MGA: variants seen among roughly 807,000 people sequenced by gnomAD.
MGA encodes the protein MAX dimerization protein MGA, also known as MAX gene-associated protein.
MGA carries 40 observed loss-of-function variants against 261.1 expected under a neutral mutation model. The observed-to-expected ratio is 0.15, with a 90% CI of 0.12 to 0.20. The LOEUF is 0.20. MGA is among the 10% of genes least tolerant of loss of function. The pLI is 1.00. For missense variants in MGA, 3,397 were observed against 3,630.5 expected, an observed-to-expected ratio of 0.94 and a Z score of 1.65; for synonymous variants, 1,302 against 1,290.6, an observed-to-expected ratio of 1.01 and a Z score of -0.19.
intron 1 of MGA, among the ~76,000 whole-genome samples, chr15:41,649,379 C>CAAAAAAAAA (rs35806439): frequency 7.3e-6 from 1 of 136,178 alleles, no homozygotes. Context: ...GAGACTGTCT[C>CAAAAAAAAA]AAAAAAAAAA....
At chr15:41,727,973 A>G (rs915526626) in intron 10 of MGA, among the ~76,000 whole-genome samples, 7 of 152,192 alleles carry the variant, frequency 4.6e-5, no homozygotes, top group African/African-American at 7.2e-5. Flanking sequence ...CTACGATGCT[A>G]CTGAATATGT....
chr15:41,656,382 C>CCTCTCTCTCTCTCTCTCT (rs2057194903), upstream of MGA, among the ~76,000 whole-genome samples: 1 of 90,404 alleles, frequency 1.1e-5, no homozygotes, highest in Non-Finnish European at 2.6e-5. Context: ...CTCTCTCACA[C>CCTCTCTCTCTCTCTCTCT]CCAGGCTGGA....
intron 20 of MGA, among the ~76,000 whole-genome samples, chr15:41,760,988 C>T (rs965595467): frequency 4.6e-5 from 7 of 152,222 alleles, no homozygotes; most frequent in African/African-American, 1.7e-4. Context: ...TCAGGCTAGT[C>T]TTGAACTCCC....
At chr15:41,758,251 T>G (rs2063257102) in intron 19 of MGA, among the ~76,000 whole-genome samples, 1 of 152,180 alleles carries the variant, frequency 6.6e-6, no homozygotes, top group Non-Finnish European at 1.5e-5. Flanking sequence ...TTAATTTTCT[T>G]AATCTTTTTG....
At chr15:41,637,630 TG>T (rs774753674) in intron 1 of MGA, among the ~76,000 whole-genome samples, 1 of 152,168 alleles carries the variant, frequency 6.6e-6, no homozygotes, top group Non-Finnish European at 1.5e-5. Flanking sequence ...GAGGGGAATG[TG>T]GTGACAGGGT....
chr15:41,760,231 T>C (rs1029753438), intron 19 of MGA, 92 bp from the exon 20 acceptor site: 31 of 1,196,028 alleles, frequency 2.6e-5, no homozygotes, highest in East Asian at 1.6e-4. Context: ...CAAAAGGTAA[T>C]GAGTGCCTGA....
chr15:41,721,905 T>C (rs985391092), intron 9 of MGA, among the ~76,000 whole-genome samples: 2 of 152,134 alleles, frequency 1.3e-5, no homozygotes, highest in Non-Finnish European at 2.9e-5. Flanking sequence ...TCTCACAGTA[T>C]TTAAAACCTG....
At chr15:41,632,207 A>G (rs1193576011) in intron 1 of MGA, among the ~76,000 whole-genome samples, 4 of 152,222 alleles carry the variant, frequency 2.6e-5, no homozygotes, top group African/African-American at 9.7e-5. Context: ...TAGATAGTAA[A>G]TATTTTAATG....
At chr15:41,701,296 A>G (rs563829347) in intron 5 of MGA, among the ~76,000 whole-genome samples, 3 of 151,384 alleles carry the variant, frequency 2.0e-5, no homozygotes, top group Non-Finnish European at 4.4e-5. Flanking sequence ...TGACATTTAT[A>G]TTGTGTTCTT....
chr15:41,745,304 A>G (rs975979631), intron 15 of MGA, among the ~76,000 whole-genome samples: 16 of 149,188 alleles, frequency 1.1e-4, no homozygotes, highest in South Asian at 6.3e-4. Flanking sequence ...AAAAAAAAAA[A>G]AAAGAGACAG....
chr15:41,763,825 A>C (rs554805321), intron 22 of MGA, among the ~76,000 whole-genome samples: 1 of 152,230 alleles, frequency 6.6e-6, no homozygotes, highest in African/African-American at 2.4e-5. Context: ...TTTGGAAGTA[A>C]AGTTATATTG....
At position 41,743,149 on chromosome 15, in the gene MGA, G is replaced by A. The variant is rs746038976; in HGVS notation, c.5189G>A (p.Ser1730Asn). The A allele has an allele frequency of 1.2e-6, 2 of 1,610,860 alleles. No individual in the cohort carries two copies. Among genetic ancestry groups the A allele is most frequent in the South Asian group, 1.1e-5 (1 of 90,602 alleles). Reference sequence around the variant, plus strand: ...ATTATACTCTCAGGAATTAATGGGAGTCCACCAGTGAGCCAGAGACCAGGT... The same window carrying A: ...ATTATACTCTCAGGAATTAATGGGAATCCACCAGTGAGCCAGAGACCAGGT... The change falls in exon 15 of 24, where the codon AGT (serine) becomes AAT (asparagine). Residue 1730 changes from serine to asparagine, a missense_variant. By Grantham distance (46) the Ser-to-Asn change is conservative. Transcript: ENST00000219905.
intron 1 of MGA, among the ~76,000 whole-genome samples, chr15:41,648,317 T>A (rs2056974550): frequency 6.6e-6 from 1 of 152,228 alleles, no homozygotes; most frequent in Non-Finnish European, 1.5e-5. Flanking sequence ...ACTTAACCTC[T>A]CTGTTTAATC....
At chr15:41,688,903 T>C (rs1487859336) in intron 2 of MGA, among the ~76,000 whole-genome samples, 1 of 152,158 alleles carries the variant, frequency 6.6e-6, no homozygotes, top group Non-Finnish European at 1.5e-5. Flanking sequence ...TGTATACATA[T>C]ATAGCTGCTT....
chr15:41,676,932 T>C (rs2058417482), intron 2 of MGA, among the ~76,000 whole-genome samples: 1 of 152,044 alleles, frequency 6.6e-6, no homozygotes, highest in African/African-American at 2.4e-5. Context: ...CCAGCTGCTT[T>C]CCCCCCCAAA....
rs1440114620 is a variant in MGA, at chr15:41,743,023, T to C, written c.5063T>C (p.Leu1688Pro). 2 of 1,614,000 alleles carry C rather than the reference T, an allele frequency of 1.2e-6. No individual in the cohort carries two copies. The highest frequency in any genetic ancestry group is 2.2e-5 in the South Asian group (2 of 91,090). Residue 1688 changes from leucine to proline, a missense_variant, in exon 15 of 24, where the codon CTT becomes CCT. Transcript: ENST00000219905. ...GTAGCATCTCCTTCAACCATAACTC[T>C]TCCTGTTGCTTCCACTGCTTCCACC...
At chr15:41,652,103 C>G (rs2057074921) in intron 1 of MGA, among the ~76,000 whole-genome samples, 1 of 145,710 alleles carries the variant, frequency 6.9e-6, no homozygotes, top group Non-Finnish European at 1.5e-5. Context: ...GTAGCTGGGA[C>G]TACAGGCGCC....
chr15:41,674,031 A>G (rs1484790115), intron 2 of MGA, among the ~76,000 whole-genome samples: 2 of 152,024 alleles, frequency 1.3e-5, no homozygotes, highest in Non-Finnish European at 1.5e-5. Flanking sequence ...AGCTGGGATT[A>G]CAGGCACATG....
In MGA at chr15:41,750,049, A is replaced by T; in HGVS notation, c.6442A>T (p.Met2148Leu). 1 of 1,613,390 alleles carries T rather than the reference A, an allele frequency of 6.2e-7. No homozygotes were observed. Among genetic ancestry groups the T allele is most frequent in the South Asian group, 1.1e-5 (1 of 91,016 alleles). Residue 2148 changes from methionine to leucine, a missense_variant, in exon 17 of 24, where the codon ATG becomes TTG. Met to Leu is a conservative substitution (Grantham distance 15). Coordinates refer to ENST00000219905, the MANE Select transcript of MGA (RefSeq NM_001164273.2). ...ATTTGAATTGTCAGGAAGCAAAGTT[A>T]TGGAGCAGCAATCTAATCTACAGCC...
Sources: gnomAD v4.1 joint callset for allele counts (sites outside exome capture counted in the v4.1 genomes callset) on GRCh38, gnomAD v4.1.1 for gene constraint, MANE v1.5 for transcripts, NCBI Gene and HGNC (gene_info 2026-07-23, HGNC 2026-07-21) for gene names.